Variants in DRC9 observed in about 807,000 individuals in gnomAD.
DRC9 encodes dynein regulatory complex protein 9.
At chr3:197,932,943 ATATATATTATATATTAT>A in the DRC9 span, among the ~76,000 whole-genome samples, 1 of 120,418 alleles carries the variant, frequency 8.3e-6, no homozygotes, top group Non-Finnish European at 1.6e-5. Flanking sequence ...TATATGTATA[ATATATATTATATATTAT>A]TATATATTAT....
chr3:197,936,593 G>A, the DRC9 span, among the ~76,000 whole-genome samples: 2 of 152,202 alleles, frequency 1.3e-5, no homozygotes, highest in South Asian at 4.1e-4. Flanking sequence ...AAACTCTTGG[G>A]CTCAAGCAAT....
At chr3:197,943,935 T>G in the DRC9 span, 4 of 1,614,036 alleles carry the variant, frequency 2.5e-6, no homozygotes, top group Non-Finnish European at 3.4e-6. Context: ...GATTTCTATG[T>G]CTGTTTCTTT....
chr3:197,946,812 CCTTT>C, the DRC9 span, among the ~76,000 whole-genome samples: 1 of 152,044 alleles, frequency 6.6e-6, no homozygotes, highest in African/African-American at 2.4e-5. Context: ...AAGCAGAATA[CCTTT>C]CTTTTTTTCT....
At chr3:197,941,719 C>T in the DRC9 span, among the ~76,000 whole-genome samples, 1 of 151,120 alleles carries the variant, frequency 6.6e-6, no homozygotes, top group East Asian at 2.0e-4. Context: ...CGCCACAATT[C>T]CTGGCTAATT....
chr3:197,940,890 TTTCTG>T, the DRC9 span, among the ~76,000 whole-genome samples: 5 of 151,866 alleles, frequency 3.3e-5, no homozygotes, highest in Non-Finnish European at 4.4e-5. Flanking sequence ...ACAAGGAGGG[TTTCTG>T]TTGAGTCAGA....
the DRC9 span, among the ~76,000 whole-genome samples, chr3:197,907,526 C>A: frequency 1.3e-4 from 20 of 152,350 alleles, no homozygotes; most frequent in Non-Finnish European, 2.4e-4. Context: ...CTCTTAGAAT[C>A]AACTCGACAT....
chr3:197,950,611 C>G, the DRC9 span: 1 of 399,946 alleles, frequency 2.5e-6, no homozygotes, highest in East Asian at 4.7e-5. Flanking sequence ...GTGTGTGTTT[C>G]TCTTTAAGGC....
At chr3:197,889,880 C>A in the DRC9 span, among the ~76,000 whole-genome samples, 3 of 152,184 alleles carry the variant, frequency 2.0e-5, no homozygotes, top group African/African-American at 7.2e-5. Flanking sequence ...GCTCTCCTGT[C>A]GTGCAGGACC....
the DRC9 span, among the ~76,000 whole-genome samples, chr3:197,927,825 G>C: frequency 6.6e-6 from 1 of 152,160 alleles, no homozygotes; most frequent in Non-Finnish European, 1.5e-5. Flanking sequence ...GATGAAGCTG[G>C]AAACCATCAT....
At chr3:197,910,971 C>G in the DRC9 span, among the ~76,000 whole-genome samples, 1 of 73,708 alleles carries the variant, frequency 1.4e-5, no homozygotes, top group South Asian at 4.3e-4. Context: ...GACTGCATCT[C>G]AAAAACAAAA....
the DRC9 span, among the ~76,000 whole-genome samples, chr3:197,927,004 T>G: frequency 6.6e-6 from 1 of 152,192 alleles, no homozygotes; most frequent in Admixed American, 6.5e-5. Flanking sequence ...AACTCAGGAC[T>G]GTCGGACACC....
chr3:197,889,787 C>G, the DRC9 span: 1 of 1,551,872 alleles, frequency 6.4e-7, no homozygotes, highest in Non-Finnish European at 8.9e-7. Flanking sequence ...CATAAAGGGA[C>G]TGTTGAATAA....
At chr3:197,947,636 A>G in the DRC9 span, among the ~76,000 whole-genome samples, 1 of 152,130 alleles carries the variant, frequency 6.6e-6, no homozygotes, top group African/African-American at 2.4e-5. Context: ...AGACAGTGTC[A>G]TTTTTCTAGG....
chr3:197,951,351 C>T, the DRC9 span: 105 of 1,604,052 alleles, frequency 6.5e-5, no homozygotes, highest in African/African-American at 1.0e-3. Flanking sequence ...TTTTTGAGAT[C>T]TGCCTCATTT....
At chr3:197,941,315 T>TCTTC in the DRC9 span, among the ~76,000 whole-genome samples, 3 of 103,948 alleles carry the variant, frequency 2.9e-5, no homozygotes, top group East Asian at 9.9e-4. Context: ...TCCTTCCCTT[T>TCTTC]CTTCCTTCCT....
the DRC9 span, chr3:197,892,833 C>T: frequency 1.1e-5 from 17 of 1,565,058 alleles, no homozygotes; most frequent in Admixed American, 5.1e-5. Context: ...TCCACTTATA[C>T]GAGTTTCAAG....
At chr3:197,932,219 C>A in the DRC9 span, 35 of 1,613,416 alleles carry the variant, frequency 2.2e-5, no homozygotes, top group Non-Finnish European at 2.9e-5. Context: ...CCTCTCTTTG[C>A]TCAAAGCTTG....
chr3:197,925,424 A>G, the DRC9 span, among the ~76,000 whole-genome samples: 1 of 34,726 alleles, frequency 2.9e-5, no homozygotes, highest in Non-Finnish European at 5.3e-5. Context: ...GTGGGATATG[A>G]GGATGGGATG....
chr3:197,911,743 G>A, the DRC9 span, among the ~76,000 whole-genome samples: 5 of 151,758 alleles, frequency 3.3e-5, no homozygotes, highest in African/African-American at 9.7e-5. Flanking sequence ...GGGTTCAAGC[G>A]ATTCTATTGC....
Sources: allele counts gnomAD v4.1 joint callset (sites outside exome capture counted in the v4.1 genomes callset), GRCh38; gene constraint gnomAD v4.1.1; transcripts MANE v1.5; gene names NCBI Gene and HGNC (gene_info 2026-07-23, HGNC 2026-07-21).